Variants in MYRIP observed in about 807,000 individuals in gnomAD.
MYRIP encodes myosin VIIA and Rab interacting protein, also known as rab effector MyRIP.
MYRIP carries 49 observed loss-of-function variants against 98.0 expected under a neutral mutation model. That is an observed-to-expected ratio of 0.50 (90% CI 0.40 to 0.63). The LOEUF (loss-of-function observed/expected upper bound fraction) is 0.63. Ranked by LOEUF, MYRIP falls within the 30% of genes least tolerant of loss-of-function variation. The probability of loss-of-function intolerance (pLI) is 0.00; values close to 1 mark genes in which losing one functional copy is unlikely to be tolerated. For missense variants in MYRIP, 1,004 were observed against 1,058.2 expected, an observed-to-expected ratio of 0.95 and a Z score of 0.71; for synonymous variants, 404 against 409.5, an observed-to-expected ratio of 0.99 and a Z score of 0.16.
chr3:39,952,556 A>G (rs529898955), intron 2 of MYRIP, among the ~76,000 whole-genome samples: 30 of 152,220 alleles, frequency 2.0e-4, no homozygotes, highest in African/African-American at 6.7e-4. Flanking sequence ...GTTTTGTAAT[A>G]TTTTTAGATA....
intron 2 of MYRIP, among the ~76,000 whole-genome samples, chr3:39,912,539 T>C (rs1944046456): frequency 6.6e-6 from 1 of 152,178 alleles, no homozygotes; most frequent in African/African-American, 2.4e-5. Flanking sequence ...CCAGAAACTT[T>C]AGAAGGAATA....
chr3:39,943,074 T>C (rs916774284), intron 2 of MYRIP, among the ~76,000 whole-genome samples: 3 of 152,156 alleles, frequency 2.0e-5, no homozygotes, highest in Admixed American at 2.0e-4. Flanking sequence ...ACCTTGACTC[T>C]TGTGTTCTCT....
At chr3:40,185,062 A>G (rs904721060) in intron 9 of MYRIP, among the ~76,000 whole-genome samples, 14 of 152,210 alleles carry the variant, frequency 9.2e-5, no homozygotes, top group African/African-American at 1.9e-4. Context: ...GCATTGCTCA[A>G]TCTCAGTTGG....
In MYRIP at chr3:39,959,840, G is replaced by A. The variant is rs17761157; in HGVS notation, c.110+58914G>A. On this transcript the variant is annotated intron_variant, in intron 2 of 16. Transcript: ENST00000302541. The stretch of plus-strand genomic sequence containing the variant: ...AGCAGAGTTCAACAGATTTATATCC[G>A]GAATCGTTTTTCTTCTGAATGGCAG... Among the ~76,000 whole-genome samples the A allele has an allele frequency of 9.9e-3, 1,509 of 152,122 alleles. 10 individuals carry two copies. Among genetic ancestry groups the A allele is most frequent in the Non-Finnish European group, 0.018 (1,220 of 67,984 alleles).
intron 1 of MYRIP, among the ~76,000 whole-genome samples, chr3:39,827,493 T>C (rs1013189852): frequency 3.3e-5 from 5 of 152,220 alleles, no homozygotes; most frequent in Non-Finnish European, 7.3e-5. Flanking sequence ...AAATTATTAT[T>C]AATAGGTGAG....
chr3:39,954,991 A>G (rs1945119116), intron 2 of MYRIP, among the ~76,000 whole-genome samples: 1 of 152,176 alleles, frequency 6.6e-6, no homozygotes, highest in Admixed American at 6.5e-5. Flanking sequence ...AGAGAAAAGA[A>G]ACGAACAAAG....
chr3:39,911,101 T>A (rs1004708632), intron 2 of MYRIP, among the ~76,000 whole-genome samples: 24 of 152,240 alleles, frequency 1.6e-4, no homozygotes, highest in African/African-American at 5.8e-4. Flanking sequence ...AACCCTTTCA[T>A]GTTTCCCTGA....
chr3:39,925,341 CTTTTA>C (rs1032230671), intron 2 of MYRIP, among the ~76,000 whole-genome samples: 1 of 151,856 alleles, frequency 6.6e-6, no homozygotes, highest in Non-Finnish European at 1.5e-5. Context: ...ATTATTTCAA[CTTTTA>C]TTTTAGATTC....
chr3:39,838,002 A>C lies in MYRIP; in HGVS notation c.-31+28086A>C, dbSNP rs2125591124. The stretch of plus-strand genomic sequence containing the variant: ...AGTTGTGAATGGGAGTTCACTCATG[A>C]TTTGGCTCTCTGTCTACTATTGGTG... On this transcript the variant is annotated intron_variant, in intron 1 of 16. Coordinates refer to ENST00000302541, the MANE Select transcript of MYRIP (RefSeq NM_015460.4). 2.0e-5 allele frequency among the ~76,000 whole-genome samples: 3 copies of C among 152,274 alleles called. No homozygotes were observed. In the Middle Eastern group the frequency reaches 0.01, roughly 518 times the overall value.
chr3:40,225,851 A>G (rs1952472876), intron 11 of MYRIP, among the ~76,000 whole-genome samples: 1 of 152,150 alleles, frequency 6.6e-6, no homozygotes, highest in Non-Finnish European at 1.5e-5. Context: ...TGCAACTTGA[A>G]CTGCTAAAAG....
intron 3 of MYRIP, among the ~76,000 whole-genome samples, chr3:40,083,609 A>C (rs558871103): frequency 6.6e-6 from 1 of 152,336 alleles, no homozygotes; most frequent in East Asian, 1.9e-4. Flanking sequence ...ATCCAGATCT[A>C]TGCCAAGACA....
intron 13 of MYRIP, among the ~76,000 whole-genome samples, chr3:40,249,976 T>C (rs902679392): frequency 1.3e-5 from 2 of 152,112 alleles, no homozygotes; most frequent in Non-Finnish European, 2.9e-5. Flanking sequence ...CCAGGCATAC[T>C]CTGACAGGAT....
At chr3:40,059,272 A>G (rs1449037989) in intron 3 of MYRIP, among the ~76,000 whole-genome samples, 1 of 152,146 alleles carries the variant, frequency 6.6e-6, no homozygotes, top group African/African-American at 2.4e-5. Flanking sequence ...TAGTAGAATG[A>G]TTTCTAATCC....
intron 2 of MYRIP, among the ~76,000 whole-genome samples, chr3:39,989,940 C>T (rs888350649): frequency 2.0e-5 from 3 of 152,222 alleles, no homozygotes; most frequent in Non-Finnish European, 4.4e-5. Flanking sequence ...GTTTGTTAGG[C>T]AGCTATCAGT....
chr3:40,025,974 C>A (rs1446986954), intron 2 of MYRIP, among the ~76,000 whole-genome samples: 1 of 152,094 alleles, frequency 6.6e-6, no homozygotes, highest in Non-Finnish European at 1.5e-5. Flanking sequence ...CCCTAAACAA[C>A]AGAAAACAGG....
At position 40,190,423 on chromosome 3, in the gene MYRIP, C is replaced by T; in HGVS notation, c.1625C>T (p.Ser542Phe). Residue 542 changes from serine to phenylalanine, a missense_variant, in exon 10 of 17, where the codon TCT becomes TTT. Transcript: ENST00000302541. ...TCAGAAGAGCCAAGCAAAGAACCAT[C>T]TTCCCCCAGCGCCCAGCTCCGGGAT... ...LGSEEPSKEP[S>F]SPSAQLRDLD... is the part of the protein sequence containing the mutation. 6.2e-7 allele frequency: 1 copy of T among 1,607,880 alleles called. No homozygotes were observed.
At chr3:40,031,068 A>C (rs1029947308) in intron 2 of MYRIP, among the ~76,000 whole-genome samples, 1 of 152,154 alleles carries the variant, frequency 6.6e-6, no homozygotes, top group African/African-American at 2.4e-5. Context: ...ACAAAATATC[A>C]TAGACTGGGT....
At chr3:39,886,090 G>T (rs1246361125) in intron 1 of MYRIP, among the ~76,000 whole-genome samples, 1 of 151,956 alleles carries the variant, frequency 6.6e-6, no homozygotes, top group Non-Finnish European at 1.5e-5. Context: ...GCCAAACTAA[G>T]CTTCATAAGT....
chr3:40,211,501 G>T (rs1951925201), intron 11 of MYRIP, among the ~76,000 whole-genome samples: 2 of 152,166 alleles, frequency 1.3e-5, no homozygotes, highest in South Asian at 4.1e-4. Flanking sequence ...TGGCTTGTCT[G>T]TGAGTTGGAG....
Sources: allele counts gnomAD v4.1 joint callset (sites outside exome capture counted in the v4.1 genomes callset), GRCh38; gene constraint gnomAD v4.1.1; transcripts MANE v1.5; gene names NCBI Gene and HGNC (gene_info 2026-07-23, HGNC 2026-07-21).